FAM135B: variants seen among roughly 807,000 people sequenced by gnomAD.
The protein encoded by FAM135B is family with sequence similarity 135 member B, also known as protein FAM135B.
A neutral mutation model predicts 127.7 loss-of-function variants in FAM135B; 43 were observed. That is an observed-to-expected ratio of 0.34 (90% CI 0.26 to 0.43). The LOEUF is 0.43. Ranked by LOEUF, FAM135B falls within the 20% of genes least tolerant of loss-of-function variation. The pLI is 1.00. For missense variants in FAM135B, 1,558 were observed against 1,725.6 expected, an observed-to-expected ratio of 0.90 and a Z score of 1.72; for synonymous variants, 670 against 665.1, an observed-to-expected ratio of 1.01 and a Z score of -0.11.
chr8:138,171,753 C>A (rs753087631), intron 11 of FAM135B, among the ~76,000 whole-genome samples: 15 of 152,158 alleles, frequency 9.9e-5, no homozygotes, highest in Non-Finnish European at 2.2e-4. Context: ...AGAAGGGCCA[C>A]AGCCTCATCT....
At chr8:138,466,175 TG>T (rs1837371336) in intron 1 of FAM135B, among the ~76,000 whole-genome samples, 1 of 152,212 alleles carries the variant, frequency 6.6e-6, no homozygotes, top group Admixed American at 6.5e-5. Flanking sequence ...GCAGAGGACC[TG>T]GAAGGGGCCT....
At chr8:138,133,886 C>A (rs113689586) in intron 19 of FAM135B, among the ~76,000 whole-genome samples, 572 of 152,156 alleles carry the variant, frequency 3.8e-3, no homozygotes, top group African/African-American at 0.01. Context: ...CTTTTCCCCC[C>A]CTTCTTAGGG....
At chr8:138,457,961 C>T (rs1043028151) in intron 1 of FAM135B, among the ~76,000 whole-genome samples, 2 of 139,472 alleles carry the variant, frequency 1.4e-5, no homozygotes, top group African/African-American at 2.8e-5. Context: ...TGGGCAAGAG[C>T]GAGACTCCAT....
At chr8:138,382,770 GA>G (rs1230316733) in intron 1 of FAM135B, among the ~76,000 whole-genome samples, 1 of 151,990 alleles carries the variant, frequency 6.6e-6, no homozygotes, top group South Asian at 2.1e-4. Context: ...TTGCAATTTA[GA>G]AAAAAACAAT....
At chr8:138,377,662 G>GA (rs1411086762) in intron 1 of FAM135B, among the ~76,000 whole-genome samples, 5 of 152,176 alleles carry the variant, frequency 3.3e-5, no homozygotes, top group African/African-American at 1.2e-4. Flanking sequence ...AAATTTCAAT[G>GA]AGTTTTGGCA....
intron 3 of FAM135B, among the ~76,000 whole-genome samples, chr8:138,297,703 A>G (rs1414906195): frequency 6.6e-6 from 1 of 152,184 alleles, no homozygotes; most frequent in Non-Finnish European, 1.5e-5. Flanking sequence ...TGCTGAGCAA[A>G]GGAAGGAATC....
At chr8:138,453,507 C>G (rs1279247769) in intron 1 of FAM135B, among the ~76,000 whole-genome samples, 3 of 151,908 alleles carry the variant, frequency 2.0e-5, no homozygotes, top group Non-Finnish European at 4.4e-5. Flanking sequence ...GTCCCGGACT[C>G]CCTCACCTCC....
intron 9 of FAM135B, among the ~76,000 whole-genome samples, chr8:138,185,198 A>G (rs751387057): frequency 3.9e-5 from 6 of 152,158 alleles, no homozygotes; most frequent in Non-Finnish European, 8.8e-5. Flanking sequence ...AACCTACATC[A>G]CAGCATCAAA....
chr8:138,314,201 T>C lies in FAM135B; in HGVS notation c.78-3281A>G, dbSNP rs182195597. On this transcript the variant is annotated intron_variant, in intron 2 of 19. Transcript: ENST00000395297. ...TCAACAGTACATATTAAGTGTGGGG[T>C]ATCTTTAAACAGAAACACATAAAAC... Among the ~76,000 whole-genome samples the C allele has an allele frequency of 3.0e-4, 46 of 152,254 alleles. 1 individual carries two copies. Among genetic ancestry groups the C allele is most frequent in the Non-Finnish European group, 2.9e-5 (2 of 68,022 alleles).
In FAM135B at chr8:138,306,093, A is replaced by G. The variant is rs145163288; in HGVS notation, c.157+4748T>C. ...AATTTATGTTCTGTTCTATCTGCAT[A>G]ACTAGCTGTTGGCAAGCCACATCCT... On this transcript the variant is annotated intron_variant, in intron 3 of 19. Transcript: ENST00000395297. Among the ~76,000 whole-genome samples, 905 of 152,278 alleles carry G rather than the reference A, an allele frequency of 5.9e-3. 9 individuals are homozygous for G. The highest frequency in any genetic ancestry group is 0.02 in the African/African-American group (851 of 41,562).
chr8:138,136,913 A>T (rs1333833433), intron 19 of FAM135B, among the ~76,000 whole-genome samples: 6 of 152,224 alleles, frequency 3.9e-5, no homozygotes. Flanking sequence ...TGGCTGGCAC[A>T]CAATAGGACT....
At chr8:138,338,088 A>C (rs199742878) in intron 2 of FAM135B, among the ~76,000 whole-genome samples, 26 of 152,262 alleles carry the variant, frequency 1.7e-4, no homozygotes, top group East Asian at 3.9e-4. Flanking sequence ...CCCTTCCTTA[A>C]ACCTTATACA....
intron 2 of FAM135B, among the ~76,000 whole-genome samples, chr8:138,326,838 G>A (rs1026966342): frequency 3.3e-5 from 5 of 152,066 alleles, no homozygotes; most frequent in African/African-American, 9.7e-5. Flanking sequence ...GATAAGACAC[G>A]TACAACACCT....
At chr8:138,348,354 C>T (rs766709142) in intron 2 of FAM135B, among the ~76,000 whole-genome samples, 1 of 151,938 alleles carries the variant, frequency 6.6e-6, no homozygotes. Flanking sequence ...AGGCTGGTCT[C>T]GAACTCCTGA....
At chr8:138,263,150 C>A (rs927774388) in intron 4 of FAM135B, among the ~76,000 whole-genome samples, 1 of 152,068 alleles carries the variant, frequency 6.6e-6, no homozygotes, top group Non-Finnish European at 1.5e-5. Context: ...TAAAAAAAAA[C>A]AAAACACTGT....
At chr8:138,212,744 C>T (rs1435275146) in intron 7 of FAM135B, among the ~76,000 whole-genome samples, 1 of 152,180 alleles carries the variant, frequency 6.6e-6, no homozygotes, top group African/African-American at 2.4e-5. Context: ...AAAAGCAATT[C>T]CCCTGACTGT....
At chr8:138,490,410 G>A (rs1187068508) in intron 1 of FAM135B, among the ~76,000 whole-genome samples, 1 of 152,176 alleles carries the variant, frequency 6.6e-6, no homozygotes, top group Non-Finnish European at 1.5e-5. Context: ...GGACCTGCAG[G>A]GCCCATCAGG....
chr8:138,168,853 C>T (rs569762177), intron 11 of FAM135B, among the ~76,000 whole-genome samples: 1 of 152,276 alleles, frequency 6.6e-6, no homozygotes, highest in Non-Finnish European at 1.5e-5. Flanking sequence ...AAGAAGGAGC[C>T]TTACGGAGTC....
At chr8:138,402,119 CAA>C (rs1241670928) in intron 1 of FAM135B, among the ~76,000 whole-genome samples, 24 of 152,112 alleles carry the variant, frequency 1.6e-4, no homozygotes, top group Middle Eastern at 3.4e-3. Flanking sequence ...GCAGAGAAAA[CAA>C]AGAGAAGGAA....
Sources: gnomAD v4.1 joint callset for allele counts (sites outside exome capture counted in the v4.1 genomes callset) on GRCh38, gnomAD v4.1.1 for gene constraint, MANE v1.5 for transcripts, NCBI Gene and HGNC (gene_info 2026-07-23, HGNC 2026-07-21) for gene names.